Variants in EPHA3 observed in about 807,000 individuals in gnomAD.
The protein encoded by EPHA3 is EPH receptor A3.
EPHA3 carries 42 observed loss-of-function variants against 107.1 expected under a neutral mutation model. The observed-to-expected ratio is 0.39, with a 90% confidence interval of 0.31 to 0.51. The LOEUF (loss-of-function observed/expected upper bound fraction) is 0.51, where lower values mean the gene tolerates loss of function less well. Among genes scored for constraint, EPHA3 ranks in the 20% least tolerant of loss-of-function variants. The pLI is 0.78. For synonymous variants in EPHA3, 461 were observed against 424.8 expected (o/e 1.09, Z -1.05); for missense variants, 1,183 against 1,211.2 (o/e 0.98, Z 0.35).
At chr3:89,112,350 T>C (rs927142198) in intron 1 of EPHA3, among the ~76,000 whole-genome samples, 1 of 152,098 alleles carries the variant, frequency 6.6e-6, no homozygotes, top group African/African-American at 2.4e-5. Context: ...AACTTAGTAA[T>C]CTCACGTTGC....
At chr3:89,341,209 C>T (rs1707513706) in intron 4 of EPHA3, 138 bp downstream of exon 4, 3 of 866,958 alleles carry the variant, frequency 3.5e-6, no homozygotes, top group East Asian at 5.1e-5. Flanking sequence ...TTCTCTGCTT[C>T]ACTCCCCATG....
chr3:89,458,510 AT>A (rs1710146678), intron 15 of EPHA3, among the ~76,000 whole-genome samples: 1 of 152,214 alleles, frequency 6.6e-6, no homozygotes, highest in African/African-American at 2.4e-5. Context: ...TAATAGAAGG[AT>A]TTATAATCCA....
intron 13 of EPHA3, among the ~76,000 whole-genome samples, chr3:89,441,540 G>A (rs918842231): frequency 6.6e-6 from 1 of 152,120 alleles, no homozygotes; most frequent in Non-Finnish European, 1.5e-5. Flanking sequence ...GACTAGCTGA[G>A]CTTTTATAAT....
At chr3:89,299,977 A>C (rs1706444424) in intron 3 of EPHA3, among the ~76,000 whole-genome samples, 1 of 152,010 alleles carries the variant, frequency 6.6e-6, no homozygotes, top group Non-Finnish European at 1.5e-5. Flanking sequence ...GGGCATAATA[A>C]TATTATTTTA....
At chr3:89,292,308 T>C (rs1281014600) in intron 3 of EPHA3, among the ~76,000 whole-genome samples, 2 of 152,178 alleles carry the variant, frequency 1.3e-5, no homozygotes, top group Non-Finnish European at 1.5e-5. Flanking sequence ...ACTATTTCCA[T>C]ATCATTTACA....
At chr3:89,368,914 C>T (rs1469489160) in intron 5 of EPHA3, among the ~76,000 whole-genome samples, 3 of 150,556 alleles carry the variant, frequency 2.0e-5, no homozygotes, top group Admixed American at 6.7e-5. Context: ...TAGTTAGCAA[C>T]CATTAATTTT....
intron 2 of EPHA3, among the ~76,000 whole-genome samples, chr3:89,138,219 G>A (rs1472959791): frequency 2.0e-5 from 3 of 151,594 alleles, no homozygotes; most frequent in African/African-American, 7.3e-5. Context: ...GAGAAAAGAC[G>A]CGTTTCCCTG....
chr3:89,160,427 C>A (rs1379918666), intron 2 of EPHA3, among the ~76,000 whole-genome samples: 1 of 151,494 alleles, frequency 6.6e-6, no homozygotes, highest in Non-Finnish European at 1.5e-5. Flanking sequence ...ATGTGAAGGC[C>A]CTCTGAAAAG....
At chr3:89,176,326 C>A (rs137882086) in intron 2 of EPHA3, among the ~76,000 whole-genome samples, 1 of 151,430 alleles carries the variant, frequency 6.6e-6, no homozygotes, top group African/African-American at 2.4e-5. Flanking sequence ...TTTACTAAAA[C>A]GTGCAAAAAT....
At chr3:89,122,710 G>C (rs1707417015) in intron 1 of EPHA3, among the ~76,000 whole-genome samples, 1 of 152,140 alleles carries the variant, frequency 6.6e-6, no homozygotes, top group African/African-American at 2.4e-5. Flanking sequence ...ATCTTTATGT[G>C]TTAATAATTC....
At chr3:89,317,324 T>A (rs756811455) in intron 3 of EPHA3, among the ~76,000 whole-genome samples, 1 of 151,816 alleles carries the variant, frequency 6.6e-6, no homozygotes, top group South Asian at 2.1e-4. Flanking sequence ...GTGGAGCAGA[T>A]GCAAGATAGA....
At chr3:89,145,922 A>G (rs1246906018) in intron 2 of EPHA3, among the ~76,000 whole-genome samples, 1 of 151,882 alleles carries the variant, frequency 6.6e-6, no homozygotes, top group Non-Finnish European at 1.5e-5. Flanking sequence ...AAGAAAAATT[A>G]ACATCAAAAT....
chr3:89,138,712 G>A (rs1249269115), intron 2 of EPHA3, among the ~76,000 whole-genome samples: 1 of 151,786 alleles, frequency 6.6e-6, no homozygotes, highest in East Asian at 1.9e-4. Flanking sequence ...CCTAGAATGA[G>A]CCTTTTATTC....
chr3:89,400,392 C>A (rs1371470129), intron 7 of EPHA3: 1 of 152,678 alleles, frequency 6.5e-6, no homozygotes, highest in African/African-American at 2.4e-5. Flanking sequence ...TTGGTAGAGT[C>A]CAGATTTCAC....
intron 7 of EPHA3, 174 bp downstream of exon 7, chr3:89,399,654 G>T: frequency 2.4e-6 from 3 of 1,275,216 alleles, no homozygotes; most frequent in Non-Finnish European, 3.0e-6. Context: ...TTGTGTTTGT[G>T]TGGGTGTACA....
At chr3:89,342,400 A>G (rs1460919412) in intron 5 of EPHA3, among the ~76,000 whole-genome samples, 1 of 152,082 alleles carries the variant, frequency 6.6e-6, no homozygotes, top group African/African-American at 2.4e-5. Context: ...ATTTCAGAGA[A>G]CTTAGGCAAT....
chr3:89,306,851 G>A (rs1041543759), intron 3 of EPHA3, among the ~76,000 whole-genome samples: 1 of 152,140 alleles, frequency 6.6e-6, no homozygotes, highest in Non-Finnish European at 1.5e-5. Flanking sequence ...TATGAAGTTG[G>A]TCCTTCGAAT....
intron 11 of EPHA3, among the ~76,000 whole-genome samples, chr3:89,427,540 T>C (rs775925803): frequency 6.6e-5 from 10 of 152,066 alleles, no homozygotes; most frequent in Non-Finnish European, 1.2e-4. Flanking sequence ...TCACGTCTTC[T>C]GGACTTGGAA....
intron 2 of EPHA3, among the ~76,000 whole-genome samples, chr3:89,157,948 C>T (rs1704843105): frequency 6.6e-6 from 1 of 151,732 alleles, no homozygotes; most frequent in African/African-American, 2.4e-5. Context: ...AGAGAAAACC[C>T]TGAGAAAGTG....
Sources: allele counts gnomAD v4.1 joint callset (sites outside exome capture counted in the v4.1 genomes callset), GRCh38; gene constraint gnomAD v4.1.1; transcripts MANE v1.5; gene names NCBI Gene and HGNC (gene_info 2026-07-23, HGNC 2026-07-21).